The following CDH23 variants were observed in gnomAD, a reference collection of about 807,000 sequenced individuals.
CDH23 encodes cadherin-23.
Under a neutral mutation model 317.1 loss-of-function variants are expected in CDH23, and 189 were observed. That is an observed-to-expected ratio of 0.60 (90% CI 0.53 to 0.67). CDH23 has a LOEUF of 0.67. Ranked by LOEUF, CDH23 falls within the 30% of genes least tolerant of loss-of-function variation. The probability of loss-of-function intolerance (pLI) is 0.00; values close to 1 mark genes in which losing one functional copy is unlikely to be tolerated. For synonymous variants in CDH23, 1,839 were observed against 1,876.8 expected (o/e 0.98, Z 0.52); for missense variants, 4,401 against 4,592.4 (o/e 0.96, Z 1.20).
In CDH23 at chr10:71,403,408, T is replaced by TCTTCCTTC. The variant is rs1176829681; in HGVS notation, c.-6+6130_-6+6137dup. On this transcript the variant is annotated intron_variant, in intron 1 of 69. Transcript: ENST00000224721. ...CTTTCTTTCTTTCTTTCTTTCTTTC[T>TCTTCCTTC]CTTCCTTCCTTCCTTCCTTCCTTCC... Among the ~76,000 whole-genome samples the TCTTCCTTC allele has an allele frequency of 2.8e-4, 16 of 57,110 alleles. 2 individuals are homozygous for TCTTCCTTC. Among genetic ancestry groups the TCTTCCTTC allele is most frequent in the East Asian group, 2.2e-3 (4 of 1,796 alleles). The allele number at this position is 57,110 out of a possible 152,430, so 37.5% of individuals were successfully genotyped here.
rs572342951 is a variant in CDH23, at chr10:71,424,960, G to A, written c.-5-14867G>A. Among the ~76,000 whole-genome samples the A allele has an allele frequency of 7.9e-5, 12 of 152,284 alleles. No individual in the cohort carries two copies. The South Asian group carries it at 1.2e-3, about 16-fold the overall frequency. On this transcript the variant is annotated intron_variant, in intron 1 of 69. Transcript: ENST00000224721. ...TCTGGTCACAGGGCCCTGTCTAAGC[G>A]AAGGCGGAAGCTGTGTCCCAAGTGG...
chr10:71,477,043 T>C (rs961643542), intron 3 of CDH23, among the ~76,000 whole-genome samples: 3 of 152,172 alleles, frequency 2.0e-5, no homozygotes, highest in African/African-American at 4.8e-5. Flanking sequence ...TCCATCTTCC[T>C]CCTTGGCCTT....
chr10:71,719,195 G>A (rs956332616), intron 28 of CDH23, among the ~76,000 whole-genome samples: 4 of 152,166 alleles, frequency 2.6e-5, no homozygotes, highest in East Asian at 1.9e-4. Context: ...CCTGGAGCAC[G>A]AGGCAAGTCC....
intron 48 of CDH23, among the ~76,000 whole-genome samples, chr10:71,796,233 C>T (rs909037239): frequency 6.6e-6 from 1 of 152,170 alleles, no homozygotes; most frequent in African/African-American, 2.4e-5. Context: ...AGCCACCAGG[C>T]CCTCTAACAG....
chr10:71,542,429 C>G (rs1257115153), intron 6 of CDH23, among the ~76,000 whole-genome samples: 1 of 152,190 alleles, frequency 6.6e-6, no homozygotes. Context: ...GCCCTCAATC[C>G]TCTGTCTTTA....
intron 3 of CDH23, among the ~76,000 whole-genome samples, chr10:71,479,611 A>G (rs1031917347): frequency 2.0e-5 from 3 of 152,156 alleles, no homozygotes; most frequent in Non-Finnish European, 4.4e-5. Flanking sequence ...TGATTCTTCA[A>G]AAGGTAACGT....
intron 38 of CDH23, among the ~76,000 whole-genome samples, chr10:71,758,538 G>A (rs948609352): frequency 1.8e-4 from 28 of 152,306 alleles, no homozygotes; most frequent in African/African-American, 5.3e-4. Context: ...GGCAAGCACC[G>A]GGGGGCTAAC....
intron 7 of CDH23, among the ~76,000 whole-genome samples, chr10:71,567,378 C>T (rs1857470116): frequency 6.6e-6 from 1 of 152,232 alleles, no homozygotes; most frequent in African/African-American, 2.4e-5. Flanking sequence ...ATCCAACCTG[C>T]AGGGCCCAAA....
chr10:71,678,675 G>A (rs1162018945), intron 16 of CDH23, among the ~76,000 whole-genome samples: 2 of 152,224 alleles, frequency 1.3e-5, no homozygotes, highest in Non-Finnish European at 2.9e-5. Context: ...ACCCGGAGTG[G>A]TGGGGACCAC....
chr10:71,676,384 T>C (rs1157156684), intron 15 of CDH23, among the ~76,000 whole-genome samples: 2 of 150,900 alleles, frequency 1.3e-5, no homozygotes, highest in Non-Finnish European at 3.0e-5. Context: ...CTCAGCACTT[T>C]GGGAGGCTGA....
chr10:71,715,428 C>T (rs968128501), intron 28 of CDH23: 2 of 152,492 alleles, frequency 1.3e-5, no homozygotes, highest in African/African-American at 4.8e-5. Flanking sequence ...ACCCGGGAAA[C>T]CCAAGGAAGA....
intron 14 of CDH23, among the ~76,000 whole-genome samples, chr10:71,658,364 C>G (rs1564714742): frequency 6.6e-6 from 1 of 152,234 alleles, no homozygotes; most frequent in African/African-American, 2.4e-5. Flanking sequence ...GCCCCCGCCT[C>G]TGCCTCGGAA....
rs79550680 is a variant in CDH23, at chr10:71,700,526, C to T, written c.2398-1496C>T. On this transcript the variant is annotated intron_variant, in intron 22 of 69. Transcript: ENST00000224721. ...CTGGAGTACCTAAGAGCCCTATCTC[C>T]TGTTTGCAAAATGGGGGTGTTGGGC... Among the ~76,000 whole-genome samples, 1,316 of 152,330 alleles carry T rather than the reference C, an allele frequency of 8.6e-3. 21 individuals are homozygous for T. The highest frequency in any genetic ancestry group is 0.03 in the African/African-American group (1,252 of 41,572).
At position 71,461,468 on chromosome 10, in the gene CDH23, C is replaced by T. The variant is rs567455508; in HGVS notation, c.145+15073C>T. ...GAAGAGGTGTCTGGAGAGGGAATGA[C>T]GGGAGACACACAGGGACAGCAGGGG... On this transcript the variant is annotated intron_variant, in intron 3 of 69. Transcript: ENST00000224721. Among the ~76,000 whole-genome samples the T allele has an allele frequency of 3.9e-5, 6 of 152,328 alleles. No individual in the cohort carries two copies. In the South Asian group the frequency reaches 6.2e-4, roughly 16 times the overall value.
At chr10:71,761,431 C>A (rs892151292) in intron 38 of CDH23, among the ~76,000 whole-genome samples, 1 of 152,114 alleles carries the variant, frequency 6.6e-6, no homozygotes, top group Non-Finnish European at 1.5e-5. Flanking sequence ...ACTACAAACC[C>A]ACACTCCACA....
At chr10:71,504,955 A>G (rs550194169) in intron 3 of CDH23, among the ~76,000 whole-genome samples, 1 of 152,276 alleles carries the variant, frequency 6.6e-6, no homozygotes, top group Admixed American at 6.5e-5. Context: ...TGCTGTTTAA[A>G]AGTTTATACT....
intron 60 of CDH23, among the ~76,000 whole-genome samples, chr10:71,808,831 C>T (rs565578724): frequency 1.6e-3 from 247 of 152,300 alleles, no homozygotes; most frequent in African/African-American, 5.3e-3. Context: ...ACGGCCTGCT[C>T]TCTCCCATTC....
At chr10:71,682,108 C>T (rs1366269452) in intron 17 of CDH23, among the ~76,000 whole-genome samples, 1 of 152,192 alleles carries the variant, frequency 6.6e-6, no homozygotes, top group Non-Finnish European at 1.5e-5. Context: ...AGCCTGGGTT[C>T]TGGATTCAGC....
At chr10:71,714,908 T>G (rs1047100202) in intron 28 of CDH23, 1 of 152,164 alleles carries the variant, frequency 6.6e-6, no homozygotes, top group Non-Finnish European at 1.5e-5. Context: ...TGTTTAACCC[T>G]CGCGTTGTGA....
Sources: gnomAD v4.1 joint callset for allele counts (sites outside exome capture counted in the v4.1 genomes callset) on GRCh38, gnomAD v4.1.1 for gene constraint, MANE v1.5 for transcripts, NCBI Gene and HGNC (gene_info 2026-07-23, HGNC 2026-07-21) for gene names.